Variants in STXBP4 observed in about 807,000 individuals in gnomAD.
The protein encoded by STXBP4 is syntaxin binding protein 4.
A neutral mutation model predicts 76.1 loss-of-function variants in STXBP4; 55 were observed. The ratio of observed to expected loss-of-function variants is 0.72; its 90% CI spans 0.58 to 0.91. The LOEUF is 0.91. Among genes scored for constraint, STXBP4 ranks in the 40% least tolerant of loss-of-function variants. The pLI, the probability that STXBP4 is intolerant of heterozygous loss-of-function variation, is 0.00. For missense variants in STXBP4, 618 were observed against 636.9 expected (o/e 0.97, Z 0.32); for synonymous variants, 201 against 220.2 (o/e 0.91, Z 0.77).
chr17:55,136,193 G>A (rs1281107254), intron 16 of STXBP4, among the ~76,000 whole-genome samples: 1 of 152,144 alleles, frequency 6.6e-6, no homozygotes, highest in African/African-American at 2.4e-5. Flanking sequence ...ATAGTTGATT[G>A]TTAGGGCAAC....
intron 16 of STXBP4, among the ~76,000 whole-genome samples, chr17:55,085,475 A>C (rs2079314187): frequency 6.6e-6 from 1 of 152,054 alleles, no homozygotes; most frequent in South Asian, 2.1e-4. Flanking sequence ...TTAGTGTGTT[A>C]GATTTTGGTT....
chr17:55,209,152 AG>A, the STXBP4 span, among the ~76,000 whole-genome samples: 2 of 152,214 alleles, frequency 1.3e-5, no homozygotes, highest in South Asian at 2.1e-4. Context: ...CTGGAAGAGA[AG>A]GCTGAAAGAG....
rs548601592 is a variant in STXBP4 at position 55,034,154 on chromosome 17, G to C, written c.764-14G>C. 1.2e-6 allele frequency: 2 copies of C among 1,604,298 alleles called. No individual in the cohort carries two copies. Among genetic ancestry groups the C allele is most frequent in the South Asian group, 2.2e-5 (2 of 90,426 alleles). ...TTAAATGCCATGTTCTTACTTAAAT[G>C]TGTTCCATTTTAGATTTTGTCCAGG... On this transcript the variant is annotated splice_polypyrimidine_tract_variant and intron_variant, in intron 9 of 17. Transcript: ENST00000376352.
intron 12 of STXBP4, among the ~76,000 whole-genome samples, chr17:55,050,423 A>G (rs2078845123): frequency 6.6e-6 from 1 of 152,140 alleles, no homozygotes; most frequent in Admixed American, 6.6e-5. Context: ...CTATACTACC[A>G]TAGAACTTCT....
chr17:55,048,808 G>A (rs2078823491), intron 12 of STXBP4, among the ~76,000 whole-genome samples: 1 of 151,720 alleles, frequency 6.6e-6, no homozygotes, highest in Non-Finnish European at 1.5e-5. Flanking sequence ...AGAAGTAAAA[G>A]AGTTTCTTAA....
At chr17:55,132,713 G>A (rs1318594971) in intron 16 of STXBP4, among the ~76,000 whole-genome samples, 1 of 152,130 alleles carries the variant, frequency 6.6e-6, no homozygotes, top group Non-Finnish European at 1.5e-5. Flanking sequence ...AGTAAGGAAA[G>A]AGAGAGGAAA....
At chr17:55,102,509 C>T (rs1223737153) in intron 16 of STXBP4, among the ~76,000 whole-genome samples, 1 of 152,090 alleles carries the variant, frequency 6.6e-6, no homozygotes, top group Non-Finnish European at 1.5e-5. Context: ...GCGATATTTT[C>T]TTTATCCAGT....
Position 55,007,526 on chromosome 17 carries a change from G to A in STXBP4, c.595G>A (p.Glu199Lys), listed in dbSNP as rs758021668. The change falls in exon 8 of 18, where the codon GAA (glutamate) becomes AAA (lysine). Residue 199 changes from glutamate to lysine, a missense_variant. Physicochemically the swap from Glu to Lys is moderately conservative, Grantham distance 56 (BLOSUM62 1). Transcript: ENST00000376352. ...CTTAGATGTTGCTTCTGCCTGGACT[G>A]AAAATTATGGGCTACAAGAAAAGAT... ...SNTDVASAWT[E>K]NYGLQEKISL... The A allele has an allele frequency of 1.2e-6, 2 of 1,610,982 alleles. No individual in the cohort carries two copies. Among genetic ancestry groups the A allele is most frequent in the Admixed American group, 3.4e-5 (2 of 59,328 alleles).
chr17:54,993,492 T>TAGA (rs71159279), intron 4 of STXBP4, among the ~76,000 whole-genome samples: 120,248 of 151,948 alleles, frequency 0.79, 48,207 homozygotes, highest in African/African-American at 0.91. Context: ...AAAAAATTTA[T>TAGA]AGAAGTAATT....
intron 10 of STXBP4, among the ~76,000 whole-genome samples, chr17:55,038,933 C>T (rs1163126996): frequency 6.6e-6 from 1 of 152,072 alleles, no homozygotes; most frequent in African/African-American, 2.4e-5. Flanking sequence ...TATGATAAAA[C>T]TGAGTAATGT....
At chr17:55,023,153 G>A (rs891780328) in intron 8 of STXBP4, among the ~76,000 whole-genome samples, 5 of 152,276 alleles carry the variant, frequency 3.3e-5, no homozygotes, top group Admixed American at 6.5e-5. Context: ...GAGCGGGTCC[G>A]TAGTTCTTAA....
chr17:55,186,160 C>G, the STXBP4 span, among the ~76,000 whole-genome samples: 14 of 152,290 alleles, frequency 9.2e-5, no homozygotes, highest in East Asian at 2.3e-3. Context: ...CTGAACCATA[C>G]ATTAATTTAT....
At chr17:55,035,594 A>T (rs1401119004) in intron 10 of STXBP4, among the ~76,000 whole-genome samples, 1 of 151,920 alleles carries the variant, frequency 6.6e-6, no homozygotes, top group African/African-American at 2.4e-5. Context: ...TTACAAATTA[A>T]AATTTTCTTC....
At chr17:55,080,593 G>T (rs534100058) in intron 15 of STXBP4, among the ~76,000 whole-genome samples, 1 of 151,580 alleles carries the variant, frequency 6.6e-6, no homozygotes, top group East Asian at 1.9e-4. Context: ...GGCAAAAAAT[G>T]GAATAATTTA....
the STXBP4 span, among the ~76,000 whole-genome samples, chr17:55,185,698 A>T: frequency 8.5e-5 from 13 of 152,292 alleles, no homozygotes; most frequent in African/African-American, 3.1e-4. Flanking sequence ...ACATCTGAGG[A>T]CAACTACTCT....
chr17:55,053,630 GT>G, intron 12 of STXBP4, among the ~76,000 whole-genome samples: 1 of 152,082 alleles, frequency 6.6e-6, no homozygotes, highest in East Asian at 1.9e-4. Context: ...CCAAAGTCAA[GT>G]TTTTTTAAAG....
rs1420100487 is a variant in STXBP4, at chr17:55,173,544, C to T, written c.*13633C>T. 1 of 152,032 alleles carries T rather than the reference C, an allele frequency of 6.6e-6. No homozygotes were observed. 9.4% of individuals were successfully genotyped at this position (152,032 alleles called of 1,614,324 possible). A position where few individuals can be genotyped will look rare whatever the true frequency, so the allele number is the denominator to read the frequency against. On this transcript the variant is annotated 3_prime_UTR_variant, in exon 18 of 18. Coordinates refer to ENST00000376352, the MANE Select transcript of STXBP4 (RefSeq NM_178509.6). ...GTTATAGTTCATTGTATGGATATAC[C>T]ACAGTTTCTTTAGCCATTCACCCAC... is the stretch of plus-strand genomic sequence containing the variant.
At chr17:54,973,807 T>C (rs970239933) in intron 1 of STXBP4, among the ~76,000 whole-genome samples, 4 of 152,218 alleles carry the variant, frequency 2.6e-5, no homozygotes, top group African/African-American at 9.6e-5. Flanking sequence ...ATTTTAAATA[T>C]CAAGAGCTGG....
At chr17:54,976,610 G>A (rs928319133) in intron 1 of STXBP4, among the ~76,000 whole-genome samples, 12 of 152,286 alleles carry the variant, frequency 7.9e-5, no homozygotes, top group African/African-American at 2.6e-4. Context: ...TTAGGAACCC[G>A]GCCAGACGGC....
Sources: gnomAD v4.1 joint callset for allele counts (sites outside exome capture counted in the v4.1 genomes callset) on GRCh38, gnomAD v4.1.1 for gene constraint, MANE v1.5 for transcripts, NCBI Gene and HGNC (gene_info 2026-07-23, HGNC 2026-07-21) for gene names.